The following CCDC169 variants were observed in gnomAD, a reference collection of about 807,000 sequenced individuals.
CCDC169 encodes the protein coiled-coil domain containing 169.
Under a neutral mutation model 36.0 loss-of-function variants are expected in CCDC169, and 30 were observed. That is an observed-to-expected ratio of 0.83 (90% CI 0.62 to 1.13). The LOEUF (loss-of-function observed/expected upper bound fraction) is 1.13. CCDC169 is among the 50% of genes most tolerant of loss of function. CCDC169 has a pLI of 0.00. For synonymous variants in CCDC169, 85 were observed against 81.5 expected, an observed-to-expected ratio of 1.04 and a Z score of -0.23; for missense variants, 245 against 245.9, an observed-to-expected ratio of 1.00 and a Z score of 0.03.
chr13:36,240,680 G>GA (rs1218074744), intron 7 of CCDC169: 4 of 1,180,516 alleles, frequency 3.4e-6, no homozygotes, highest in African/African-American at 3.2e-5. Context: ...TTCATAAGCA[G>GA]AAAAAAATGA....
Position 36,283,676 on chromosome 13 carries a change from T to C in CCDC169, c.190A>G (p.Thr64Ala). The C allele has an allele frequency of 6.4e-7, 1 of 1,551,054 alleles. No homozygotes were observed. Among genetic ancestry groups the C allele is most frequent in the Non-Finnish European group, 8.7e-7 (1 of 1,146,820 alleles). ...AGTTCATCATTTAATTCAAGTTGTG[T>C]CTCATAACGGGTTTTCCATTCACTA... ...EGSEWKTRYE[T>A]QLELNDELEK... Residue 64 changes from threonine to alanine, a missense_variant, in exon 3 of 8, where the codon ACA (threonine) becomes GCA (alanine). Coordinates refer to ENST00000239859, the MANE Select transcript of CCDC169 (RefSeq NM_001144981.3).
At chr13:36,285,584 A>AAGATAGATT (rs1555254447) in intron 2 of CCDC169, among the ~76,000 whole-genome samples, 1 of 138,042 alleles carries the variant, frequency 7.2e-6, no homozygotes, top group Non-Finnish European at 1.6e-5. Context: ...AAAATAAAAT[A>AAGATAGATT]AGATAGATAG....
At chr13:36,263,034 AAGG>A (rs1431651086) in intron 4 of CCDC169, among the ~76,000 whole-genome samples, 9 of 152,148 alleles carry the variant, frequency 5.9e-5, no homozygotes, top group African/African-American at 1.9e-4. Context: ...GCCCTCTACA[AAGG>A]AGATGTTAAA....
downstream of CCDC169, chr13:36,227,152 T>C (rs1306874046): frequency 8.2e-7 from 1 of 1,219,686 alleles, no homozygotes; most frequent in Non-Finnish European, 1.1e-6. Flanking sequence ...AAGAAATACA[T>C]GTGAGATCAC....
At chr13:36,223,145 G>A (rs952393492), downstream of CCDC169, 5 of 152,126 alleles carry the variant, frequency 3.3e-5, no homozygotes, top group East Asian at 1.9e-4. Context: ...CATATTTATA[G>A]TCTATATGTA....
At chr13:36,234,012 C>T (rs534950084) in intron 7 of CCDC169, among the ~76,000 whole-genome samples, 8 of 152,242 alleles carry the variant, frequency 5.3e-5, no homozygotes, top group African/African-American at 1.9e-4. Context: ...TGAGAAGAAA[C>T]ATTTACCATC....
chr13:36,253,680 A>G, intron 6 of CCDC169, 123 bp downstream of exon 6: 2 of 1,164,256 alleles, frequency 1.7e-6, no homozygotes, highest in South Asian at 1.7e-5. Flanking sequence ...TCTACCCTCC[A>G]TATTTAGAAA....
intron 4 of CCDC169, among the ~76,000 whole-genome samples, chr13:36,277,058 C>T (rs1179635715): frequency 2.6e-5 from 4 of 152,218 alleles, no homozygotes; most frequent in Admixed American, 6.5e-5. Flanking sequence ...GACATGGAAT[C>T]AACCCAAATG....
At chr13:36,283,410 G>A (rs780734220) in intron 4 of CCDC169, 59 bp downstream of exon 4, 1 of 1,466,858 alleles carries the variant, frequency 6.8e-7, no homozygotes, top group African/African-American at 1.4e-5. Context: ...AATACGTCTG[G>A]AAAAAATAGA....
At chr13:36,272,103 A>AT (rs201992431) in intron 4 of CCDC169, among the ~76,000 whole-genome samples, 35,506 of 145,618 alleles carry the variant, frequency 0.24, 4,795 homozygotes, top group East Asian at 0.48. Flanking sequence ...AAAAAACTAA[A>AT]AAAATAAATA....
At chr13:36,257,120 G>T (rs1024713435) in intron 4 of CCDC169, among the ~76,000 whole-genome samples, 1 of 124,334 alleles carries the variant, frequency 8.0e-6, no homozygotes, top group Non-Finnish European at 1.9e-5. Context: ...GATAGGGGAG[G>T]TACCCGGTGT....
chr13:36,285,611 A>ATAGATAGC (rs1878121387), intron 2 of CCDC169, among the ~76,000 whole-genome samples: 2 of 148,318 alleles, frequency 1.3e-5, no homozygotes, highest in Non-Finnish European at 3.0e-5. Flanking sequence ...AGATAGATAG[A>ATAGATAGC]TAGATAGATA....
At chr13:36,236,201 C>T (rs1162430939) in intron 7 of CCDC169, among the ~76,000 whole-genome samples, 1 of 151,948 alleles carries the variant, frequency 6.6e-6, no homozygotes, top group African/African-American at 2.4e-5. Context: ...CCAAAACAAT[C>T]TTGAAAAAGA....
intron 4 of CCDC169, among the ~76,000 whole-genome samples, chr13:36,270,399 T>C (rs1461159932): frequency 6.6e-6 from 1 of 152,070 alleles, no homozygotes; most frequent in Admixed American, 6.5e-5. Context: ...ACATCATTTT[T>C]CACGGAATTA....
chr13:36,240,254 C>A (rs1371194999), intron 7 of CCDC169, among the ~76,000 whole-genome samples: 2 of 151,768 alleles, frequency 1.3e-5, no homozygotes, highest in African/African-American at 2.4e-5. Flanking sequence ...TGACTTTTCT[C>A]TTTTAATATA....
intron 4 of CCDC169, chr13:36,282,299 TTA>T: frequency 2.2e-6 from 2 of 900,288 alleles, no homozygotes; most frequent in South Asian, 5.1e-5. Context: ...CATTACACAA[TTA>T]TATGTCTGAA....
chr13:36,282,331 T>C (rs1280781973), intron 4 of CCDC169: 16 of 964,808 alleles, frequency 1.7e-5, no homozygotes, highest in Middle Eastern at 1.1e-3. Context: ...TATTATTCTT[T>C]ATATCAAAGA....
At chr13:36,228,106 T>A (rs1383050746), downstream of CCDC169, among the ~76,000 whole-genome samples, 1 of 152,214 alleles carries the variant, frequency 6.6e-6, no homozygotes, top group Non-Finnish European at 1.5e-5. Context: ...TTCTTGACTA[T>A]TTGAATAATG....
intron 6 of CCDC169, among the ~76,000 whole-genome samples, chr13:36,252,738 A>G (rs1371577110): frequency 6.6e-6 from 1 of 152,138 alleles, no homozygotes; most frequent in Admixed American, 6.5e-5. Context: ...TAATAATTTG[A>G]AATTAATAAT....
Sources: allele counts gnomAD v4.1 joint callset (sites outside exome capture counted in the v4.1 genomes callset), GRCh38; gene constraint gnomAD v4.1.1; transcripts MANE v1.5; gene names NCBI Gene and HGNC (gene_info 2026-07-23, HGNC 2026-07-21).